CTNNBIP1: variants seen among roughly 807,000 people sequenced by gnomAD.
CTNNBIP1 encodes the protein catenin beta interacting protein 1.
A neutral mutation model predicts 11.8 loss-of-function variants in CTNNBIP1; 7 were observed. That is an observed-to-expected ratio of 0.60 (90% confidence interval 0.34 to 1.12). CTNNBIP1 has a LOEUF of 1.12. Among genes scored for constraint, CTNNBIP1 ranks in the 50% most tolerant of loss-of-function variants. The pLI, the probability that CTNNBIP1 is intolerant of heterozygous loss-of-function variation, is 0.03. For missense variants in CTNNBIP1, 101 were observed against 113.4 expected (o/e 0.89, Z 0.50); for synonymous variants, 58 against 43.9 (o/e 1.32, Z -1.26).
At chr1:9,868,435 C>T (rs1397381882) in intron 5 of CTNNBIP1, among the ~76,000 whole-genome samples, 1 of 152,218 alleles carries the variant, frequency 6.6e-6, no homozygotes, top group Admixed American at 6.5e-5. Flanking sequence ...CACTGACCTT[C>T]CTCAACAACT....
intron 5 of CTNNBIP1, among the ~76,000 whole-genome samples, chr1:9,859,463 C>T (rs6663110): frequency 0.017 from 2,586 of 152,314 alleles, 28 homozygotes; most frequent in Non-Finnish European, 0.027. Context: ...GCTCTGCTCC[C>T]GCCAACACTC....
chr1:9,900,092 A>G (rs901625077), intron 1 of CTNNBIP1, among the ~76,000 whole-genome samples: 1 of 150,890 alleles, frequency 6.6e-6, no homozygotes, highest in Non-Finnish European at 1.5e-5. Flanking sequence ...AAAACAATCA[A>G]TAGAATGCCA....
At chr1:9,905,632 A>G (rs1049094739) in intron 1 of CTNNBIP1, among the ~76,000 whole-genome samples, 31 of 148,882 alleles carry the variant, frequency 2.1e-4, no homozygotes, top group Non-Finnish European at 3.9e-4. Flanking sequence ...GGGTTTCACC[A>G]TGTTACCCAG....
Position 9,867,097 on chromosome 1 carries a change from G to A in CTNNBIP1, c.187+4090C>T, listed in dbSNP as rs985290949. Among the ~76,000 whole-genome samples the A allele has an allele frequency of 3.9e-5, 6 of 152,208 alleles. No individual in the cohort carries two copies. The highest frequency in any genetic ancestry group is 2.6e-4 in the Admixed American group (4 of 15,282). On this transcript the variant is annotated intron_variant, in intron 5 of 5. Transcript: ENST00000377263. The surrounding 1 kb of genome is among the most constrained non-coding windows in gnomAD (Gnocchi z 4.6). ...TTCTCTGTTGAGATCACAGCACTGC[G>A]TGTGGAACAGGGAGAAGAGAGGGGG...
rs1638886662 is a variant in CTNNBIP1 at position 9,872,591 on chromosome 1, G to A, written c.-24-503C>T. Among the ~76,000 whole-genome samples the A allele has an allele frequency of 6.6e-6, 1 of 152,158 alleles. No homozygotes were observed. ...CCCCAAACACTGAGACAGCTCCCTC[G>A]GCAAAAGCCCCTGACAAGTTTAAGA... On this transcript the variant is annotated intron_variant, in intron 3 of 5. Transcript: ENST00000377263. This position sits in a 1 kb window ranked among gnomAD's most constrained non-coding sequence, Gnocchi z 4.0.
rs1638325509 is a variant in CTNNBIP1, at chr1:9,849,272, G to C, written c.*1446C>G. 1 of 152,554 alleles carries C rather than the reference G, an allele frequency of 6.6e-6. No individual in the cohort carries two copies. 9.5% of individuals were successfully genotyped at this position (152,554 alleles called of 1,614,324 possible). A position where few individuals can be genotyped will look rare whatever the true frequency, so the allele number is the denominator to read the frequency against. On this transcript the variant is annotated 3_prime_UTR_variant, in exon 6 of 6. Coordinates refer to ENST00000377263, the MANE Select transcript of CTNNBIP1 (RefSeq NM_020248.3). ...TTCTGAACTGCAATTCTGGGCCTGA[G>C]TTTGGCTTAAGGGCCAGTCTGAAGG...
intron 1 of CTNNBIP1, among the ~76,000 whole-genome samples, chr1:9,886,547 G>A (rs1030105794): frequency 4.6e-5 from 7 of 152,276 alleles, no homozygotes; most frequent in Non-Finnish European, 7.4e-5. Context: ...TTCAGTCTTC[G>A]CCACACACGT....
intron 5 of CTNNBIP1, among the ~76,000 whole-genome samples, chr1:9,859,445 T>C (rs1429346338): frequency 6.6e-6 from 1 of 152,184 alleles, no homozygotes; most frequent in Admixed American, 6.5e-5. Flanking sequence ...ACCAGCATGC[T>C]GGAACCAGCT....
At chr1:9,879,470 G>A (rs1313752279) in intron 2 of CTNNBIP1, among the ~76,000 whole-genome samples, 5 of 152,160 alleles carry the variant, frequency 3.3e-5, no homozygotes, top group African/African-American at 7.2e-5. Context: ...GTCAGACATC[G>A]CTGTAAACCT....
intron 5 of CTNNBIP1, among the ~76,000 whole-genome samples, chr1:9,862,015 C>T (rs566206758): frequency 1.3e-5 from 2 of 152,342 alleles, no homozygotes; most frequent in African/African-American, 4.8e-5. Flanking sequence ...ATGTGCTCCC[C>T]CAAATCCATC....
At chr1:9,901,253 G>GGTCA (rs951419291) in intron 1 of CTNNBIP1, among the ~76,000 whole-genome samples, 3 of 152,198 alleles carry the variant, frequency 2.0e-5, no homozygotes, top group African/African-American at 7.2e-5. Flanking sequence ...TGCAAGTCAG[G>GGTCA]GTCAGGATGG....
chr1:9,902,462 T>C (rs1639540285), intron 1 of CTNNBIP1, among the ~76,000 whole-genome samples: 1 of 152,198 alleles, frequency 6.6e-6, no homozygotes, highest in Non-Finnish European at 1.5e-5. Flanking sequence ...CCATGGCTCC[T>C]GAGGTGTGCA....
At position 9,908,651 on chromosome 1, in the gene CTNNBIP1, C is replaced by G. The variant is rs563988518; in HGVS notation, c.-144+1444G>C. ...TGCTGGGACTACAAGCGTGAGCCAC[C>G]GCGCCCGGCCACAGATTCTTATATG... On this transcript the variant is annotated intron_variant, in intron 1 of 5. Coordinates refer to ENST00000377263, the MANE Select transcript of CTNNBIP1 (RefSeq NM_020248.3). Among the ~76,000 whole-genome samples the G allele has an allele frequency of 5.9e-5, 9 of 152,296 alleles. 1 individual carries two copies. In the South Asian group the frequency reaches 1.4e-3, roughly 25 times the overall value.
At chr1:9,870,078 C>T (rs965183095) in intron 5 of CTNNBIP1, among the ~76,000 whole-genome samples, 2 of 152,220 alleles carry the variant, frequency 1.3e-5, no homozygotes, top group African/African-American at 4.8e-5. Context: ...CACCCAGCAT[C>T]GGTGCTTGGG....
intron 1 of CTNNBIP1, among the ~76,000 whole-genome samples, chr1:9,904,408 G>A (rs1208874805): frequency 6.6e-6 from 1 of 152,148 alleles, no homozygotes. Flanking sequence ...GATTCCTGGT[G>A]AGTGGAGCCC....
intron 1 of CTNNBIP1, among the ~76,000 whole-genome samples, chr1:9,903,994 A>C (rs1345692870): frequency 1.3e-5 from 2 of 152,228 alleles, no homozygotes; most frequent in Non-Finnish European, 2.9e-5. Context: ...GCTTCTTAAC[A>C]TACAAAATGG....
chr1:9,895,377 C>A (rs999556642), intron 1 of CTNNBIP1, among the ~76,000 whole-genome samples: 1 of 146,322 alleles, frequency 6.8e-6, no homozygotes, highest in South Asian at 2.2e-4. Context: ...TTTTGTATTG[C>A]AGTTGAGATG....
At chr1:9,865,360 G>A (rs1036109129) in intron 5 of CTNNBIP1, among the ~76,000 whole-genome samples, 1 of 152,160 alleles carries the variant, frequency 6.6e-6, no homozygotes, top group African/African-American at 2.4e-5. Flanking sequence ...CAGCACTTTG[G>A]GGGGCCGAAG....
chr1:9,869,185 C>G (rs542094555), intron 5 of CTNNBIP1, among the ~76,000 whole-genome samples: 1 of 147,840 alleles, frequency 6.8e-6, no homozygotes, highest in African/African-American at 2.5e-5. Flanking sequence ...TTTTTTGTAG[C>G]GAGAGGGTCT....
Sources: gnomAD v4.1 joint callset for allele counts (sites outside exome capture counted in the v4.1 genomes callset) on GRCh38, gnomAD v4.1.1 for gene constraint, Gnocchi (gnomAD v3.1) non-coding constraint, MANE v1.5 for transcripts, NCBI Gene and HGNC (gene_info 2026-07-23, HGNC 2026-07-21) for gene names.